SPRED2: variants seen among roughly 807,000 people sequenced by gnomAD.
SPRED2 encodes the protein sprouty-related, EVH1 domain-containing protein 2.
SPRED2 carries 47 observed loss-of-function variants against 43.0 expected under a neutral mutation model. That is an observed-to-expected ratio of 1.09 (90% CI 0.87 to 1.40). The LOEUF is 1.40. Among genes scored for constraint, SPRED2 ranks in the 40% most tolerant of loss-of-function variants. The pLI is 0.00. For missense variants in SPRED2, 561 were observed against 586.4 expected (o/e 0.96, Z 0.45); for synonymous variants, 225 against 225.7 (o/e 1.00, Z 0.03).
At chr2:65,399,174 G>A (rs1675824658) in intron 1 of SPRED2, among the ~76,000 whole-genome samples, 1 of 151,218 alleles carries the variant, frequency 6.6e-6, no homozygotes, top group Non-Finnish European at 1.5e-5. Flanking sequence ...GGAGGCTGAG[G>A]TAGGAGAATC....
intron 1 of SPRED2, among the ~76,000 whole-genome samples, chr2:65,347,035 C>T (rs11695503): frequency 0.052 from 7,854 of 152,264 alleles, 297 homozygotes; most frequent in Middle Eastern, 0.15. Flanking sequence ...CCGTGAATCT[C>T]GTCATTACCA....
At chr2:65,391,654 T>C (rs1675638383) in intron 1 of SPRED2, among the ~76,000 whole-genome samples, 1 of 152,224 alleles carries the variant, frequency 6.6e-6, no homozygotes, top group Non-Finnish European at 1.5e-5. Context: ...CATAAATGTG[T>C]TTTCACTTGA....
chr2:65,339,585 C>T (rs1674117392), intron 2 of SPRED2, among the ~76,000 whole-genome samples: 1 of 151,268 alleles, frequency 6.6e-6, no homozygotes, highest in Admixed American at 6.6e-5. Flanking sequence ...GACACAAACA[C>T]TCTGCCTAGG....
At position 65,432,059 on chromosome 2, in the gene SPRED2, C is replaced by T. The variant is rs1012856666; in HGVS notation, c.-72G>A. 1.9e-6 allele frequency: 3 copies of T among 1,591,586 alleles called. No homozygotes were observed. The highest frequency in any genetic ancestry group is 2.6e-6 in the Non-Finnish European group (3 of 1,163,124). ...CCTTCATCTTCCTGTCCGCTCGCCCCCCTTCTTCACATCTCCGGAGATCGC... is the reference window on the plus strand; with the variant it reads ...CCTTCATCTTCCTGTCCGCTCGCCCTCCTTCTTCACATCTCCGGAGATCGC... On this transcript the variant is annotated 5_prime_UTR_variant, in exon 1 of 6. Transcript: ENST00000356388.
In SPRED2 at chr2:65,313,897, C is replaced by A; in HGVS notation, c.861G>T (p.Val287=). The A allele has an allele frequency of 6.2e-7, 1 of 1,610,328 alleles. No homozygotes were observed. The highest frequency in any genetic ancestry group is 8.5e-7 in the Non-Finnish European group (1 of 1,179,860). ...TGCCCCGGGAGGGCTGCGTCTTGAT[C>A]ACGCTGCCCCCGCGGCCTTTGGGGT... ...GEDPKGRGGS[V]IKTQPSRGKS... Residue 287 remains valine, a synonymous_variant, in exon 6 of 6, where the codon GTG becomes GTT. Transcript: ENST00000356388.
At chr2:65,339,264 G>A (rs1318652257) in intron 2 of SPRED2, among the ~76,000 whole-genome samples, 1 of 151,904 alleles carries the variant, frequency 6.6e-6, no homozygotes, top group Non-Finnish European at 1.5e-5. Flanking sequence ...GATGACGATG[G>A]CGGTTTTCTG....
intron 1 of SPRED2, among the ~76,000 whole-genome samples, chr2:65,431,398 C>T (rs1003481745): frequency 2.0e-5 from 3 of 151,788 alleles, no homozygotes; most frequent in African/African-American, 7.2e-5. Flanking sequence ...CGCGGGGACC[C>T]TGGCGCACCA....
intron 1 of SPRED2, among the ~76,000 whole-genome samples, chr2:65,380,052 A>G (rs1675335718): frequency 6.6e-6 from 1 of 152,198 alleles, no homozygotes; most frequent in African/African-American, 2.4e-5. Flanking sequence ...CTTGCTGAGG[A>G]TACCAACCTG....
At chr2:65,310,694 T>C (rs772842925), downstream of SPRED2, among the ~76,000 whole-genome samples, 4 of 152,020 alleles carry the variant, frequency 2.6e-5, no homozygotes, top group Non-Finnish European at 4.4e-5. Flanking sequence ...GAATATGACA[T>C]AACCATAGGA....
intron 1 of SPRED2, among the ~76,000 whole-genome samples, chr2:65,390,143 A>C (rs1447545181): frequency 2.0e-5 from 3 of 152,194 alleles, no homozygotes; most frequent in Non-Finnish European, 4.4e-5. Context: ...AGGAGCCAAA[A>C]TCACCTTTCT....
chr2:65,408,739 C>T (rs531460608), intron 1 of SPRED2, among the ~76,000 whole-genome samples: 83 of 152,206 alleles, frequency 5.5e-4, no homozygotes, highest in Middle Eastern at 3.4e-3. Context: ...TGCCACCACA[C>T]CCAGCTAATT....
chr2:65,371,697 T>C (rs1675128190), intron 1 of SPRED2, among the ~76,000 whole-genome samples: 1 of 151,914 alleles, frequency 6.6e-6, no homozygotes, highest in Non-Finnish European at 1.5e-5. Flanking sequence ...AATTTGGGGA[T>C]GTTCAGCTTG....
chr2:65,322,292 A>ATTTT lies in SPRED2; in HGVS notation c.439-5410_439-5409insAAAA, dbSNP rs1490204181. On this transcript the variant is annotated intron_variant, in intron 4 of 5. Transcript: ENST00000356388. ...TCTCTATATATATATATATATATAT[A>ATTTT]TATTTTTTTTTTTTTTTTTGAGACG... Among the ~76,000 whole-genome samples, 143 of 70,790 alleles carry ATTTT rather than the reference A, an allele frequency of 2.0e-3. 8 individuals are homozygous for ATTTT. The highest frequency in any genetic ancestry group is 2.5e-3 in the Non-Finnish European group (104 of 42,442). The allele number at this position is 70,790 out of a possible 152,430, so 46.4% of individuals were successfully genotyped here. A position where few individuals can be genotyped will look rare whatever the true frequency, so the allele number is the denominator to read the frequency against.
At chr2:65,360,089 C>CAAAAAAAAAAAAAAAAAAAAA (rs1294319058) in intron 1 of SPRED2, among the ~76,000 whole-genome samples, 1 of 43,176 alleles carries the variant, frequency 2.3e-5, no homozygotes, top group African/African-American at 5.3e-5. Context: ...CAAAAAAAAA[C>CAAAAAAAAAAAAAAAAAAAAA]AAAAAAAAAA....
At chr2:65,384,536 C>G (rs1675446406) in intron 1 of SPRED2, among the ~76,000 whole-genome samples, 1 of 152,110 alleles carries the variant, frequency 6.6e-6, no homozygotes, top group Admixed American at 6.5e-5. Context: ...AGCATTAAAC[C>G]AAGTGTGGGG....
intron 5 of SPRED2, among the ~76,000 whole-genome samples, chr2:65,316,308 T>C (rs1025321117): frequency 5.9e-5 from 9 of 152,232 alleles, no homozygotes; most frequent in African/African-American, 1.2e-4. Flanking sequence ...TTAGTCCTGA[T>C]TGTGGCTCTG....
At chr2:65,403,566 T>G (rs1023596108) in intron 1 of SPRED2, among the ~76,000 whole-genome samples, 1 of 152,174 alleles carries the variant, frequency 6.6e-6, no homozygotes, top group African/African-American at 2.4e-5. Flanking sequence ...TACGCCCATC[T>G]GGGATAGACA....
chr2:65,376,445 CTT>C (rs1192573454), intron 1 of SPRED2, among the ~76,000 whole-genome samples: 3 of 152,058 alleles, frequency 2.0e-5, no homozygotes, highest in Non-Finnish European at 4.4e-5. Flanking sequence ...ATGCATTTTT[CTT>C]TTTAATTTTA....
intron 4 of SPRED2, among the ~76,000 whole-genome samples, chr2:65,321,075 G>T (rs1269873471): frequency 6.6e-6 from 1 of 152,186 alleles, no homozygotes; most frequent in African/African-American, 2.4e-5. Flanking sequence ...CTCCAGTGGG[G>T]GTCTAAGAAC....
Sources: allele counts gnomAD v4.1 joint callset (sites outside exome capture counted in the v4.1 genomes callset), GRCh38; gene constraint gnomAD v4.1.1; transcripts MANE v1.5; gene names NCBI Gene and HGNC (gene_info 2026-07-23, HGNC 2026-07-21).